The following TRIM36 variants were observed in gnomAD, a reference collection of about 807,000 sequenced individuals.
The protein encoded by TRIM36 is tripartite motif containing 36, also known as E3 ubiquitin-protein ligase TRIM36.
In TRIM36, 42 loss-of-function variants were observed where a neutral mutation model predicts 72.4. The observed-to-expected ratio is 0.58, with a 90% confidence interval of 0.45 to 0.75. TRIM36 has a LOEUF of 0.75. TRIM36 is among the 30% of genes least tolerant of loss of function. The pLI, the probability that TRIM36 is intolerant of heterozygous loss-of-function variation, is 0.00. For synonymous variants in TRIM36, 315 were observed against 282.8 expected (o/e 1.11, Z -1.14); for missense variants, 913 against 857.1 (o/e 1.07, Z -0.81).
chr5:115,167,504 A>G (rs1349040950), intron 1 of TRIM36, among the ~76,000 whole-genome samples: 1 of 152,228 alleles, frequency 6.6e-6, no homozygotes, highest in Non-Finnish European at 1.5e-5. Context: ...AAAGCTTCAC[A>G]AATCTCTAGG....
At chr5:115,144,459 A>C (rs1433254434) in intron 4 of TRIM36, 139 bp downstream of exon 4, 1 of 1,009,054 alleles carries the variant, frequency 9.9e-7, no homozygotes, top group Non-Finnish European at 1.4e-6. Context: ...ACCTAATATT[A>C]GTAGATCGCT....
rs543603809 is a variant in TRIM36, at chr5:115,165,207, T to C, written c.28-1455A>G. On this transcript the variant is annotated intron_variant, in intron 1 of 9. Coordinates refer to ENST00000513154, the MANE Select transcript of TRIM36 (RefSeq NM_001300759.2). ...GCATGATGAAAGCTGTTGGTGGATC[T>C]ACCATTCTGGGGTCTGGAGGACCAT... Among the ~76,000 whole-genome samples, 35 of 152,318 alleles carry C rather than the reference T, an allele frequency of 2.3e-4. No individual in the cohort carries two copies. The South Asian group carries it at 3.5e-3, about 15-fold the overall frequency.
intron 2 of TRIM36, chr5:115,148,436 T>TTTC (rs1753710552): frequency 1.3e-6 from 1 of 788,234 alleles, no homozygotes; most frequent in South Asian, 5.7e-5. Flanking sequence ...TTTTTTTTTT[T>TTTC]TTAGATGGAG....
intron 2 of TRIM36, among the ~76,000 whole-genome samples, chr5:115,154,089 C>CAA (rs35902682): frequency 4.0e-4 from 60 of 148,694 alleles, no homozygotes; most frequent in Non-Finnish European, 6.1e-4. Context: ...AGCACAGGGT[C>CAA]AAAAAAAAAA....
intron 9 of TRIM36, among the ~76,000 whole-genome samples, chr5:115,129,370 C>G (rs951216695): frequency 6.6e-6 from 1 of 152,134 alleles, no homozygotes; most frequent in Non-Finnish European, 1.5e-5. Flanking sequence ...CGAGACCAGC[C>G]TGACCAACAT....
At chr5:115,159,738 C>T (rs2112893895) in intron 2 of TRIM36, 1 of 431,950 alleles carries the variant, frequency 2.3e-6, no homozygotes, top group South Asian at 1.7e-5. Context: ...AACTTGTTAA[C>T]AAAAGAGAAA....
chr5:115,136,524 T>G (rs1208670640), intron 7 of TRIM36, among the ~76,000 whole-genome samples: 1 of 152,174 alleles, frequency 6.6e-6, no homozygotes, highest in African/African-American at 2.4e-5. Context: ...AGCCTGCAGA[T>G]TCCATTCCTA....
intron 1 of TRIM36, among the ~76,000 whole-genome samples, chr5:115,175,046 G>T (rs1252018277): frequency 6.6e-6 from 1 of 151,574 alleles, no homozygotes; most frequent in African/African-American, 2.4e-5. Flanking sequence ...TTCCCTGTAG[G>T]GTTACTAGAT....
rs770546214 is a variant in TRIM36 at position 115,144,658 on chromosome 5, C to T, written c.675G>A (p.Leu225=). 1.9e-6 allele frequency: 3 copies of T among 1,614,086 alleles called. No homozygotes were observed. The highest frequency in any genetic ancestry group is 8.5e-7 in the Non-Finnish European group (1 of 1,180,000). ...CRRPVCHLCK[L]GGNHANHRVT... The stretch of plus-strand genomic sequence containing the variant: ...CACGGTGGTTGGCATGATTACCACC[C>T]AACTTACACAGATGGCAAACTGGCC... Residue 225 remains leucine (L), a synonymous_variant, in exon 4 of 10, where the codon TTG becomes TTA. Transcript: ENST00000513154.
chr5:115,169,607 C>T lies in TRIM36; in HGVS notation c.27+1G>A. Reference sequence around the variant, plus strand: ...GGGGCGGCGGTCCCCTCCGCACTCACCGGCGAATCTGAGCCATCGCCCTCC... The same window carrying T: ...GGGGCGGCGGTCCCCTCCGCACTCATCGGCGAATCTGAGCCATCGCCCTCC... On this transcript the variant is annotated splice_donor_variant, in intron 1 of 9. Transcript: ENST00000513154. LOFTEE classifies it high-confidence loss of function. 1 of 1,521,986 alleles carries T rather than the reference C, an allele frequency of 6.6e-7. No individual in the cohort carries two copies. The allele number at this position is 1,521,986 out of a possible 1,614,324, so 94.3% of individuals were successfully genotyped here. A position where few individuals can be genotyped will look rare whatever the true frequency, so the allele number is the denominator to read the frequency against.
At position 115,130,533 on chromosome 5, in the gene TRIM36, T is replaced by A. The variant is rs1436182680; in HGVS notation, c.1796+59A>T. 4 of 1,526,018 alleles carry A rather than the reference T, an allele frequency of 2.6e-6. No individual in the cohort carries two copies. The African/African-American group carries it at 5.6e-5, about 21-fold the overall frequency. The allele number at this position is 1,526,018 out of a possible 1,614,324, so 94.5% of individuals were successfully genotyped here. A position where few individuals can be genotyped will look rare whatever the true frequency, so the allele number is the denominator to read the frequency against. ...ATACTCCAAATGTAACAAAGCCAAA[T>A]CTATTTTCAGGCTTACTTTTAAAAA... On this transcript the variant is annotated intron_variant, in intron 9 of 9. Coordinates refer to ENST00000513154, the MANE Select transcript of TRIM36 (RefSeq NM_001300759.2).
intron 1 of TRIM36, chr5:115,179,968 C>T (rs1448490237): frequency 1.2e-6 from 2 of 1,613,844 alleles, no homozygotes; most frequent in Non-Finnish European, 1.7e-6. Flanking sequence ...CGCGCCTCAT[C>T]ACTTACCTTG....
At chr5:115,155,376 G>A (rs896215897) in intron 2 of TRIM36, among the ~76,000 whole-genome samples, 1 of 151,970 alleles carries the variant, frequency 6.6e-6, no homozygotes, top group Non-Finnish European at 1.5e-5. Context: ...ATAAACTACG[G>A]ACCAATATCC....
intron 5 of TRIM36, among the ~76,000 whole-genome samples, chr5:115,138,555 C>A (rs1753096463): frequency 6.6e-6 from 1 of 151,848 alleles, no homozygotes; most frequent in African/African-American, 2.4e-5. Flanking sequence ...TGTTTTTTCT[C>A]TTCTGAAAAT....
At chr5:115,151,057 T>A (rs1753865494) in intron 2 of TRIM36, among the ~76,000 whole-genome samples, 1 of 152,142 alleles carries the variant, frequency 6.6e-6, no homozygotes, top group South Asian at 2.1e-4. Flanking sequence ...AGGGTGTAAA[T>A]CCAGTGTGCA....
chr5:115,127,662 T>C (rs1752429276), intron 9 of TRIM36, among the ~76,000 whole-genome samples: 1 of 152,240 alleles, frequency 6.6e-6, no homozygotes, highest in Non-Finnish European at 1.5e-5. Flanking sequence ...GTGATACTGG[T>C]GTAAACAGTG....
rs200786170 is a variant in TRIM36, at chr5:115,179,956, C to T, written c.63+19G>A. ...GAGTCGGGGGCCCAGGCCGCGGCGC[C>T]CCGCGCCTCATCACTTACCTTGCCT... On this transcript the variant is annotated intron_variant, in intron 1 of 9. Transcript: ENST00000282369. 1.5e-4 allele frequency: 242 copies of T among 1,613,470 alleles called. No individual in the cohort carries two copies. The African/African-American group carries it at 2.5e-3, about 16-fold the overall frequency.
chr5:115,128,120 G>A (rs1752452865), intron 9 of TRIM36, among the ~76,000 whole-genome samples: 1 of 151,514 alleles, frequency 6.6e-6, no homozygotes, highest in Non-Finnish European at 1.5e-5. Context: ...GCTCACGTCT[G>A]TAATCCCAGC....
intron 1 of TRIM36, chr5:115,179,899 G>C (rs1442291430): frequency 6.9e-7 from 1 of 1,442,944 alleles, no homozygotes; most frequent in South Asian, 1.2e-5. Flanking sequence ...GAATGGACAC[G>C]GACGCCCACA....
Sources: allele counts gnomAD v4.1 joint callset (sites outside exome capture counted in the v4.1 genomes callset), GRCh38; gene constraint gnomAD v4.1.1; transcripts MANE v1.5; gene names NCBI Gene and HGNC (gene_info 2026-07-23, HGNC 2026-07-21).